The following KLRG2 variants were observed in gnomAD, a reference collection of about 807,000 sequenced individuals.
KLRG2 encodes killer cell lectin-like receptor subfamily G member 2.
A neutral mutation model predicts 35.4 loss-of-function variants in KLRG2; 39 were observed. The ratio of observed to expected loss-of-function variants is 1.10; its 90% CI spans 0.85 to 1.44. The LOEUF (loss-of-function observed/expected upper bound fraction) is 1.44. Ranked by LOEUF, KLRG2 falls within the 40% of genes most tolerant of loss-of-function variation. The probability of loss-of-function intolerance (pLI) is 0.00; values close to 1 mark genes in which losing one functional copy is unlikely to be tolerated. For synonymous variants in KLRG2, 283 were observed against 265.8 expected (o/e 1.06, Z -0.63); for missense variants, 632 against 570.9 (o/e 1.11, Z -1.09).
chr7:139,431,476 G>A, the KLRG2 span, among the ~76,000 whole-genome samples: 1 of 150,898 alleles, frequency 6.6e-6, no homozygotes, highest in Non-Finnish European at 1.5e-5. Context: ...AGCTCAAAAT[G>A]TGGCTTCTGG....
chr7:139,482,993 G>T lies in KLRG2; in HGVS notation c.650C>A (p.Thr217Lys). 1 of 1,393,976 alleles carries T rather than the reference G, an allele frequency of 7.2e-7. No homozygotes were observed. Among genetic ancestry groups the T allele is most frequent in the Non-Finnish European group, 9.2e-7 (1 of 1,082,510 alleles). 86.4% of individuals were successfully genotyped at this position (1,393,976 alleles called of 1,614,324 possible). A position where few individuals can be genotyped will look rare whatever the true frequency, so the allele number is the denominator to read the frequency against. ...CCCCAGCTCCTTGCAGCGGCAGCAC[G>T]TGGGGGAGCCCGGGGAGCCGGCGCT... ...EGSAGSPGSP[T>K]CCRCKELGLE... Residue 217 changes from threonine to lysine, a missense_variant, in exon 1 of 5, where the codon ACG (threonine) becomes AAG (lysine). Coordinates refer to ENST00000340940, the MANE Select transcript of KLRG2 (RefSeq NM_198508.4).
At chr7:139,454,872 G>A (rs1028169180) in intron 3 of KLRG2, among the ~76,000 whole-genome samples, 11 of 148,852 alleles carry the variant, frequency 7.4e-5, no homozygotes, top group South Asian at 2.1e-4. Flanking sequence ...AATAACACAC[G>A]CAGATGTGCA....
chr7:139,439,408 A>C, the KLRG2 span, among the ~76,000 whole-genome samples: 1 of 152,142 alleles, frequency 6.6e-6, no homozygotes, highest in Non-Finnish European at 1.5e-5. Flanking sequence ...GGGGCTGTCA[A>C]GGGGAAACAG....
chr7:139,445,775 A>ATATGTGTGTG, the KLRG2 span, among the ~76,000 whole-genome samples: 2 of 91,958 alleles, frequency 2.2e-5, no homozygotes, highest in African/African-American at 1.5e-4. Context: ...ATGTATATAT[A>ATATGTGTGTG]TATATGTATA....
chr7:139,431,554 G>T, the KLRG2 span, among the ~76,000 whole-genome samples: 3 of 152,100 alleles, frequency 2.0e-5, no homozygotes, highest in Non-Finnish European at 4.4e-5. Flanking sequence ...CCCATCCCAT[G>T]CCTGACCTAC....
intron 3 of KLRG2, among the ~76,000 whole-genome samples, chr7:139,456,447 C>T (rs1012883541): frequency 6.6e-6 from 1 of 152,176 alleles, no homozygotes; most frequent in African/African-American, 2.4e-5. Context: ...CTTACTGCAA[C>T]CACCGTCTCC....
chr7:139,447,741 A>G (rs552825006), downstream of KLRG2, among the ~76,000 whole-genome samples: 3 of 152,120 alleles, frequency 2.0e-5, no homozygotes, highest in East Asian at 5.8e-4. Context: ...CAGTTAAAAC[A>G]GTTGAGAAGC....
chr7:139,483,121 G>A lies in KLRG2; in HGVS notation c.522C>T (p.Arg174=), dbSNP rs1385733353. The part of the protein sequence containing the change: ...HADPAHQLLL[R]APSQGGTWGR... ...CCCACGTGCCGCCCTGGGATGGTGC[G>A]CGCAGCAGGAGCTGGTGCGCCGGGT... is the stretch of plus-strand genomic sequence containing the variant. The change falls in exon 1 of 5, where the codon CGC becomes CGT. Residue 174 remains arginine (R), a synonymous_variant. Coordinates refer to ENST00000340940, the MANE Select transcript of KLRG2 (RefSeq NM_198508.4). The A allele has an allele frequency of 6.8e-7, 1 of 1,478,544 alleles. No homozygotes were observed. Among genetic ancestry groups the A allele is most frequent in the East Asian group, 2.9e-5 (1 of 34,146 alleles). The allele number at this position is 1,478,544 out of a possible 1,614,324, so 91.6% of individuals were successfully genotyped here. A position where few individuals can be genotyped will look rare whatever the true frequency, so the allele number is the denominator to read the frequency against.
intron 3 of KLRG2, among the ~76,000 whole-genome samples, chr7:139,462,633 A>G (rs531322225): frequency 4.1e-4 from 63 of 152,272 alleles, no homozygotes; most frequent in Middle Eastern, 3.4e-3. Context: ...CTTGACCCCA[A>G]TGCAAACTTG....
chr7:139,463,247 A>C (rs952316087), intron 3 of KLRG2, among the ~76,000 whole-genome samples: 1 of 152,220 alleles, frequency 6.6e-6, no homozygotes, highest in African/African-American at 2.4e-5. Context: ...GAAAGGTCAG[A>C]AAGAAGGCCA....
At chr7:139,432,649 G>T in the KLRG2 span, among the ~76,000 whole-genome samples, 3 of 150,810 alleles carry the variant, frequency 2.0e-5, no homozygotes, top group African/African-American at 7.3e-5. Flanking sequence ...TCTGCTTCCT[G>T]GGTTCAAGCG....
In KLRG2 at chr7:139,483,485, G is replaced by A. The variant is rs750422983; in HGVS notation, c.158C>T (p.Ala53Val). Residue 53 changes from alanine to valine, a missense_variant, in exon 1 of 5, where the codon GCC (alanine) becomes GTC (valine). Transcript: ENST00000340940. ...GCCTGCGCCCGCCGCCTTCTCCACG[G>A]CCCCGGCCGGACTTGGGCTGCTTTC... ...GPESSPSPAG[A>V]VEKAAGAGLE... is the part of the protein sequence containing the mutation. The A allele has an allele frequency of 1.4e-5, 22 of 1,596,308 alleles. No individual in the cohort carries two copies. In the African/African-American group the frequency reaches 2.6e-4, roughly 19 times the overall value.
chr7:139,451,866 G>A (rs1056526636), downstream of KLRG2, among the ~76,000 whole-genome samples: 7 of 152,110 alleles, frequency 4.6e-5, no homozygotes, highest in East Asian at 1.2e-3. Context: ...GGATGGGGGC[G>A]GTAACATACA....
the KLRG2 span, among the ~76,000 whole-genome samples, chr7:139,432,673 T>C: frequency 2.0e-5 from 3 of 151,602 alleles, no homozygotes; most frequent in African/African-American, 7.3e-5. Flanking sequence ...CATCTGAGGG[T>C]GCACAAGTCT....
At chr7:139,442,119 A>G in the KLRG2 span, among the ~76,000 whole-genome samples, 3 of 152,174 alleles carry the variant, frequency 2.0e-5, no homozygotes, top group Non-Finnish European at 4.4e-5. Flanking sequence ...CACGCCAGGG[A>G]GCAAAGCATG....
intron 3 of KLRG2, among the ~76,000 whole-genome samples, chr7:139,458,284 C>T (rs929800148): frequency 8.6e-5 from 13 of 151,650 alleles, no homozygotes; most frequent in South Asian, 2.1e-4. Context: ...AGGCTGAGGC[C>T]GAAGGATGGC....
chr7:139,447,655 G>A, the KLRG2 span, among the ~76,000 whole-genome samples: 394 of 151,852 alleles, frequency 2.6e-3, 3 homozygotes, highest in Non-Finnish European at 4.6e-3. Flanking sequence ...TGCCCACCTC[G>A]GCCTCCCAAA....
At chr7:139,476,383 G>A (rs1796850320) in intron 3 of KLRG2, among the ~76,000 whole-genome samples, 1 of 152,096 alleles carries the variant, frequency 6.6e-6, no homozygotes, top group South Asian at 2.1e-4. Flanking sequence ...GTGAGCAACA[G>A]GTCCAGACTG....
the KLRG2 span, among the ~76,000 whole-genome samples, chr7:139,439,677 G>A: frequency 1.3e-5 from 2 of 152,098 alleles, no homozygotes; most frequent in Non-Finnish European, 2.9e-5. Flanking sequence ...CTCTGGAAAC[G>A]TAAAGCTTGC....
Sources: allele counts gnomAD v4.1 joint callset (sites outside exome capture counted in the v4.1 genomes callset), GRCh38; gene constraint gnomAD v4.1.1; transcripts MANE v1.5; gene names NCBI Gene and HGNC (gene_info 2026-07-23, HGNC 2026-07-21).